Variants in ADAMTSL1 observed in about 807,000 individuals in gnomAD.
The protein encoded by ADAMTSL1 is ADAMTS like 1.
Under a neutral mutation model 201.8 loss-of-function variants are expected in ADAMTSL1, and 126 were observed. The observed-to-expected ratio is 0.62, with a 90% CI of 0.54 to 0.72. ADAMTSL1 has a LOEUF of 0.72. Ranked by LOEUF, ADAMTSL1 falls within the 30% of genes least tolerant of loss-of-function variation. The pLI, the probability that ADAMTSL1 is intolerant of heterozygous loss-of-function variation, is 0.00. For synonymous variants in ADAMTSL1, 1,121 were observed against 903.4 expected, an observed-to-expected ratio of 1.24 and a Z score of -4.32; for missense variants, 2,679 against 2,277.8, an observed-to-expected ratio of 1.18 and a Z score of -3.59.
intron 2 of ADAMTSL1, among the ~76,000 whole-genome samples, chr9:18,298,403 AAGG>A (rs2132715523): frequency 6.6e-6 from 1 of 152,272 alleles, no homozygotes; most frequent in African/African-American, 2.4e-5. Context: ...AAATGAAAGG[AAGG>A]AGGAGCTGCT....
chr9:18,544,400 A>G (rs1820350086), intron 3 of ADAMTSL1, among the ~76,000 whole-genome samples: 1 of 152,092 alleles, frequency 6.6e-6, no homozygotes, highest in African/African-American at 2.4e-5. Context: ...AAAACTCCAA[A>G]TTGTTAGGGA....
In ADAMTSL1 at chr9:18,135,005, G is replaced by T. The variant is rs374774389; in HGVS notation, c.88-28857G>T. ...TGGTCTCTTCACTTAGAAAAACACGGGATCAGACAAGGGAATCAATACTGC... is the reference window on the plus strand; with the variant it reads ...TGGTCTCTTCACTTAGAAAAACACGTGATCAGACAAGGGAATCAATACTGC... On this transcript the variant is annotated intron_variant, in intron 1 of 29. Coordinates refer to the ADAMTSL1 transcript ENST00000680146. Among the ~76,000 whole-genome samples, 14 of 152,132 alleles carry T rather than the reference G, an allele frequency of 9.2e-5. No individual in the cohort carries two copies. The East Asian group carries it at 2.5e-3, about 27-fold the overall frequency.
intron 2 of ADAMTSL1, among the ~76,000 whole-genome samples, chr9:18,176,353 G>C (rs1257420436): frequency 6.6e-6 from 1 of 152,092 alleles, no homozygotes; most frequent in African/African-American, 2.4e-5. Context: ...GTGAGCAATA[G>C]TAATGGGAGT....
At chr9:18,136,157 T>C (rs1326027892) in intron 1 of ADAMTSL1, among the ~76,000 whole-genome samples, 1 of 152,182 alleles carries the variant, frequency 6.6e-6, no homozygotes, top group Non-Finnish European at 1.5e-5. Context: ...AGTTGCATAG[T>C]GGTTCCCAAA....
At chr9:18,100,839 A>T (rs1036754581) in intron 1 of ADAMTSL1, among the ~76,000 whole-genome samples, 6 of 152,040 alleles carry the variant, frequency 3.9e-5, no homozygotes, top group Non-Finnish European at 8.8e-5. Flanking sequence ...TCTGAAATTG[A>T]CCTCCTATGT....
intron 1 of ADAMTSL1, among the ~76,000 whole-genome samples, chr9:18,000,577 A>G (rs1306761223): frequency 6.6e-6 from 1 of 152,030 alleles, no homozygotes; most frequent in Non-Finnish European, 1.5e-5. Context: ...CTAGGAATTT[A>G]TAGGTGACTT....
At chr9:18,886,861 T>A (rs568000458) in intron 23 of ADAMTSL1, among the ~76,000 whole-genome samples, 16 of 152,350 alleles carry the variant, frequency 1.1e-4, no homozygotes, top group African/African-American at 3.6e-4. Flanking sequence ...TCTCATCATC[T>A]CCTGCCTTGC....
chr9:18,099,862 G>A (rs1824441792), intron 1 of ADAMTSL1, among the ~76,000 whole-genome samples: 3 of 151,922 alleles, frequency 2.0e-5, no homozygotes, highest in South Asian at 2.1e-4. Flanking sequence ...TCCTGACCTC[G>A]TGATCCGCCC....
chr9:18,600,769 G>A (rs79663669), intron 4 of ADAMTSL1, among the ~76,000 whole-genome samples: 2,562 of 152,144 alleles, frequency 0.017, 77 homozygotes, highest in African/African-American at 0.059. Context: ...AACATTTGAG[G>A]TAAAGAGCAA....
intron 20 of ADAMTSL1, among the ~76,000 whole-genome samples, chr9:18,807,726 A>AATG (rs1224616490): frequency 6.6e-6 from 1 of 151,558 alleles, no homozygotes; most frequent in East Asian, 1.9e-4. Flanking sequence ...AGGGCTCAGT[A>AATG]ATGCTGACTT....
chr9:18,511,112 C>CATT (rs1190504497), intron 2 of ADAMTSL1, among the ~76,000 whole-genome samples: 3 of 152,078 alleles, frequency 2.0e-5, no homozygotes, highest in Non-Finnish European at 4.4e-5. Flanking sequence ...AACTACCCCT[C>CATT]ATTTGAGATG....
In ADAMTSL1 at chr9:18,430,514, C is replaced by T. The variant is rs530528185; in HGVS notation, c.208-74315C>T. ...TGTACAGACCTTAAAAATATTCTAG[C>T]GGTGTGTAGAAAACTAAAGCATGCT... is the stretch of plus-strand genomic sequence containing the variant. On this transcript the variant is annotated intron_variant, in intron 2 of 29. Transcript: ENST00000680146. 5.5e-4 allele frequency among the ~76,000 whole-genome samples: 83 copies of T among 152,218 alleles called. 2 individuals are homozygous for T. In the South Asian group the frequency reaches 0.016, roughly 30 times the overall value.
At chr9:18,633,638 CTTT>C (rs58807960) in intron 5 of ADAMTSL1, among the ~76,000 whole-genome samples, 266 of 123,764 alleles carry the variant, frequency 2.1e-3, no homozygotes, top group African/African-American at 5.8e-3. Flanking sequence ...CTAATCTTAA[CTTT>C]TTTTTTTTTT....
chr9:18,271,416 A>G (rs951220711), intron 2 of ADAMTSL1, among the ~76,000 whole-genome samples: 5 of 152,208 alleles, frequency 3.3e-5, no homozygotes, highest in Non-Finnish European at 7.4e-5. Context: ...ATGAGTGAGA[A>G]CATGCAGTGT....
intron 1 of ADAMTSL1, among the ~76,000 whole-genome samples, chr9:17,961,702 C>A (rs1817758420): frequency 6.6e-6 from 1 of 152,178 alleles, no homozygotes. Flanking sequence ...GGCTTTGCTG[C>A]TGTGTGAAGC....
chr9:18,560,659 C>T (rs1293092694), intron 3 of ADAMTSL1, among the ~76,000 whole-genome samples: 3 of 151,426 alleles, frequency 2.0e-5, no homozygotes, highest in African/African-American at 7.3e-5. Flanking sequence ...GGTTGGTAGG[C>T]TATTAATTAC....
At chr9:18,020,201 T>C (rs1820423981) in intron 1 of ADAMTSL1, among the ~76,000 whole-genome samples, 1 of 151,924 alleles carries the variant, frequency 6.6e-6, no homozygotes, top group Non-Finnish European at 1.5e-5. Context: ...ATGTGAATCA[T>C]TGGGGGTTGG....
At chr9:18,902,943 A>G (rs1157764249) in intron 26 of ADAMTSL1, among the ~76,000 whole-genome samples, 3 of 152,208 alleles carry the variant, frequency 2.0e-5, no homozygotes, top group African/African-American at 7.2e-5. Flanking sequence ...GGTGGCTCAT[A>G]CCTGTAATCC....
intron 1 of ADAMTSL1, among the ~76,000 whole-genome samples, chr9:18,037,403 G>T (rs115559081): frequency 3.1e-3 from 466 of 152,286 alleles, no homozygotes; most frequent in African/African-American, 0.01. Context: ...ACAAACATCA[G>T]TCTGGAGGTA....
Sources: allele counts gnomAD v4.1 joint callset (sites outside exome capture counted in the v4.1 genomes callset), GRCh38; gene constraint gnomAD v4.1.1; transcripts MANE v1.5; gene names NCBI Gene and HGNC (gene_info 2026-07-23, HGNC 2026-07-21).